MAST2: variants seen among roughly 807,000 people sequenced by gnomAD.
MAST2 encodes microtubule-associated serine/threonine-protein kinase 2.
MAST2 carries 70 observed loss-of-function variants against 147.4 expected under a neutral mutation model. That is an observed-to-expected ratio of 0.47 (90% CI 0.39 to 0.58). MAST2 has a LOEUF of 0.58. Among genes scored for constraint, MAST2 ranks in the 20% least tolerant of loss-of-function variants. The pLI, the probability that MAST2 is intolerant of heterozygous loss-of-function variation, is 0.00. For missense variants in MAST2, 2,080 were observed against 2,302.3 expected, an observed-to-expected ratio of 0.90 and a Z score of 1.98; for synonymous variants, 869 against 896.8, an observed-to-expected ratio of 0.97 and a Z score of 0.55.
intron 3 of MAST2, among the ~76,000 whole-genome samples, chr1:45,859,274 A>G (rs1014538973): frequency 1.3e-5 from 2 of 152,104 alleles, no homozygotes; most frequent in African/African-American, 2.4e-5. Flanking sequence ...TAATTGTTGT[A>G]TTTTTAATAG....
chr1:45,968,542 C>T (rs535043331), intron 5 of MAST2, among the ~76,000 whole-genome samples: 7 of 151,070 alleles, frequency 4.6e-5, no homozygotes, highest in Admixed American at 3.9e-4. Context: ...CTTGCTTGTG[C>T]GGTTTGTGAG....
At chr1:45,948,243 A>G (rs920167843) in intron 4 of MAST2, among the ~76,000 whole-genome samples, 1 of 152,218 alleles carries the variant, frequency 6.6e-6, no homozygotes, top group Admixed American at 6.5e-5. Flanking sequence ...ACACTGCTCA[A>G]AGAAATCGGA....
chr1:45,810,399 T>A (rs971209518), intron 1 of MAST2, among the ~76,000 whole-genome samples: 6 of 152,320 alleles, frequency 3.9e-5, no homozygotes, highest in African/African-American at 1.4e-4. Context: ...AGCTGCGTAA[T>A]ATATATAGGG....
At position 45,824,304 on chromosome 1, in the gene MAST2, A is replaced by T. The variant is rs964064721; in HGVS notation, c.178-129A>T. Reference sequence around the variant, plus strand: ...AAGAAATATGTTTCTGGTTTTAGCTATGGAGGGGGAAGTATAATATTTTGG... The same window carrying T: ...AAGAAATATGTTTCTGGTTTTAGCTTTGGAGGGGGAAGTATAATATTTTGG... On this transcript the variant is annotated intron_variant, in intron 1 of 28. Transcript: ENST00000361297. 7 of 531,466 alleles carry T rather than the reference A, an allele frequency of 1.3e-5. No homozygotes were observed. In the Middle Eastern group the frequency reaches 1.6e-3, roughly 120 times the overall value. The allele number at this position is 531,466 out of a possible 1,614,324, so 32.9% of individuals were successfully genotyped here.
intron 4 of MAST2, among the ~76,000 whole-genome samples, chr1:45,927,799 T>TG (rs1654641112): frequency 6.6e-6 from 1 of 152,210 alleles, no homozygotes; most frequent in Non-Finnish European, 1.5e-5. Context: ...GGGTATTGAT[T>TG]GGGGAAGTGA....
intron 1 of MAST2, among the ~76,000 whole-genome samples, chr1:45,808,796 T>G (rs1644212656): frequency 6.6e-6 from 1 of 152,128 alleles, no homozygotes; most frequent in South Asian, 2.1e-4. Context: ...TAAATGTTCA[T>G]TTCATTTCTC....
intron 4 of MAST2, among the ~76,000 whole-genome samples, chr1:45,904,319 G>A (rs1025195098): frequency 3.3e-5 from 5 of 151,882 alleles, no homozygotes; most frequent in African/African-American, 1.2e-4. Flanking sequence ...GATTACAGGC[G>A]CCTGCCACCA....
chr1:45,875,084 G>A (rs1006277005), intron 3 of MAST2, among the ~76,000 whole-genome samples: 3 of 152,314 alleles, frequency 2.0e-5, no homozygotes, highest in African/African-American at 7.2e-5. Context: ...GTAGTGCCCT[G>A]TAGACTACAG....
intron 5 of MAST2, among the ~76,000 whole-genome samples, chr1:45,985,162 A>G (rs1644562946): frequency 6.6e-6 from 1 of 151,788 alleles, no homozygotes; most frequent in Non-Finnish European, 1.5e-5. Flanking sequence ...GGTTCAAATG[A>G]TTTTCATTCA....
At position 46,029,544 on chromosome 1, in the gene MAST2, A is replaced by AGTCT. The variant is rs1646551716; in HGVS notation, c.2297_2298insGTCT (p.Asn766LysfsTer14). On this transcript the variant is annotated frameshift_variant, in exon 19 of 29. Transcript: ENST00000361297. LOFTEE classifies it high-confidence loss of function. ...CTCACCTCCAAACTGCTCCACCAGA[A>AGTCT]CCCTCTGGAGAGACTTGGCACAGGT... 6.2e-7 allele frequency: 1 copy of AGTCT among 1,613,922 alleles called. No individual in the cohort carries two copies. The highest frequency in any genetic ancestry group is 8.5e-7 in the Non-Finnish European group (1 of 1,179,996).
rs35106493 is a variant in MAST2, at chr1:45,805,749, T to C, written c.177+1677T>C. Among the ~76,000 whole-genome samples the C allele has an allele frequency of 1.5e-3, 231 of 152,348 alleles. 2 individuals are homozygous for C. The highest frequency in any genetic ancestry group is 1.2e-3 in the Admixed American group (18 of 15,294). Reference sequence around the variant, plus strand: ...TCTCCGAGGCTAATTTCTCTACTTATGTCCTTGATTTCATCCTCTTTTGTT... The same window carrying C: ...TCTCCGAGGCTAATTTCTCTACTTACGTCCTTGATTTCATCCTCTTTTGTT... On this transcript the variant is annotated intron_variant, in intron 1 of 28. Transcript: ENST00000361297.
At chr1:45,884,834 C>T (rs10789478) in intron 4 of MAST2, among the ~76,000 whole-genome samples, 43,302 of 151,882 alleles carry the variant, frequency 0.29, 6,309 homozygotes, top group South Asian at 0.39. Context: ...CAGGAGCTCC[C>T]ACTTCTGGAC....
At chr1:45,857,019 A>G (rs1645811968) in intron 3 of MAST2, among the ~76,000 whole-genome samples, 1 of 152,188 alleles carries the variant, frequency 6.6e-6, no homozygotes, top group African/African-American at 2.4e-5. Flanking sequence ...TTGCATGAAA[A>G]TATTCTCCCA....
chr1:46,004,296 G>A (rs1645394704), intron 7 of MAST2, among the ~76,000 whole-genome samples: 2 of 148,838 alleles, frequency 1.3e-5, no homozygotes, highest in Middle Eastern at 3.4e-3. Context: ...CCCAGGAGGC[G>A]GAGATTGCCA....
intron 2 of MAST2, among the ~76,000 whole-genome samples, chr1:45,828,447 G>C (rs1644856625): frequency 6.6e-6 from 1 of 152,154 alleles, no homozygotes. Context: ...AGATAATCTG[G>C]ATTTATGGAG....
chr1:45,875,167 C>A (rs1260533311), intron 3 of MAST2, among the ~76,000 whole-genome samples: 1 of 152,132 alleles, frequency 6.6e-6, no homozygotes, highest in Admixed American at 6.5e-5. Context: ...TATTTTTGGC[C>A]GGGCACGGTG....
At chr1:45,919,613 G>C (rs768851268) in intron 4 of MAST2, among the ~76,000 whole-genome samples, 16 of 152,150 alleles carry the variant, frequency 1.1e-4, no homozygotes, top group Non-Finnish European at 1.8e-4. Flanking sequence ...CTCTCTGAAG[G>C]CACCTCTTCT....
intron 3 of MAST2, 37 bp from the exon 4 acceptor site, chr1:45,882,327 G>C: frequency 1.3e-6 from 2 of 1,560,320 alleles, no homozygotes; most frequent in Non-Finnish European, 1.8e-6. Context: ...ACTCAGATGG[G>C]TTCTTATTTC....
intron 1 of MAST2, among the ~76,000 whole-genome samples, chr1:45,820,759 G>A (rs557261834): frequency 1.7e-4 from 25 of 145,926 alleles, no homozygotes; most frequent in African/African-American, 4.5e-4. Flanking sequence ...TCTGTTTAGT[G>A]TCCTTTCATT....
Sources: gnomAD v4.1 joint callset for allele counts (sites outside exome capture counted in the v4.1 genomes callset) on GRCh38, gnomAD v4.1.1 for gene constraint, MANE v1.5 for transcripts, NCBI Gene and HGNC (gene_info 2026-07-23, HGNC 2026-07-21) for gene names.